The following CD109 variants were observed in gnomAD, a reference collection of about 807,000 sequenced individuals.
The protein encoded by CD109 is CD109 antigen.
In CD109, 149 loss-of-function variants were observed where a neutral mutation model predicts 165.8. The observed-to-expected ratio is 0.90, with a 90% CI of 0.79 to 1.03. The LOEUF is 1.03. CD109 is among the 50% of genes least tolerant of loss of function. CD109 has a pLI of 0.00. For synonymous variants in CD109, 585 were observed against 592.1 expected, an observed-to-expected ratio of 0.99 and a Z score of 0.18; for missense variants, 1,712 against 1,677.8, an observed-to-expected ratio of 1.02 and a Z score of -0.36.
intron 31 of CD109, among the ~76,000 whole-genome samples, 182 bp from the exon 32 acceptor site, chr6:73,820,279 G>A (rs1776065107): frequency 6.6e-6 from 1 of 152,144 alleles, no homozygotes; most frequent in Admixed American, 6.5e-5. Context: ...CTTTTTGTAA[G>A]CATTGTTTTA....
At chr6:73,752,394 T>A (rs1339376431) in intron 5 of CD109, among the ~76,000 whole-genome samples, 4 of 152,196 alleles carry the variant, frequency 2.6e-5, no homozygotes, top group South Asian at 2.1e-4. Flanking sequence ...AGTCATAACA[T>A]ACTTCTTAAA....
the CD109 span, among the ~76,000 whole-genome samples, chr6:73,689,636 T>C: frequency 2.0e-5 from 3 of 152,204 alleles, no homozygotes; most frequent in African/African-American, 7.2e-5. Flanking sequence ...TTTTTTTTTT[T>C]TACTTTATAA....
chr6:73,801,992 T>C (rs1056507241), intron 23 of CD109, among the ~76,000 whole-genome samples: 2 of 152,224 alleles, frequency 1.3e-5, no homozygotes, highest in African/African-American at 4.8e-5. Context: ...ATTGCTATCT[T>C]AACTTTATTT....
intron 5 of CD109, among the ~76,000 whole-genome samples, 188 bp from the exon 6 acceptor site, chr6:73,756,455 C>T (rs546960946): frequency 6.6e-6 from 1 of 152,278 alleles, no homozygotes; most frequent in East Asian, 1.9e-4. Context: ...TGAAATTTTA[C>T]AGGCTTCATG....
At chr6:73,722,198 A>G (rs1047955878) in intron 2 of CD109, among the ~76,000 whole-genome samples, 3 of 152,234 alleles carry the variant, frequency 2.0e-5, no homozygotes, top group Admixed American at 6.5e-5. Flanking sequence ...GACATCCTCA[A>G]TGGAAAACTC....
intron 13 of CD109, 64 bp downstream of exon 13, chr6:73,767,074 G>A (rs1305990104): frequency 2.1e-6 from 3 of 1,423,272 alleles, no homozygotes; most frequent in Non-Finnish European, 2.9e-6. Context: ...TCACTTTTAA[G>A]TTCTGGGGTA....
At chr6:73,792,163 A>G (rs1037246090) in intron 22 of CD109, among the ~76,000 whole-genome samples, 1 of 152,214 alleles carries the variant, frequency 6.6e-6, no homozygotes, top group Non-Finnish European at 1.5e-5. Context: ...AACAGAACAC[A>G]TTGGAAAACA....
intron 14 of CD109, among the ~76,000 whole-genome samples, chr6:73,770,587 A>AG (rs1262995099): frequency 6.6e-6 from 1 of 152,100 alleles, no homozygotes. Context: ...TCTACTAAAA[A>AG]AGTTACAAAA....
chr6:73,808,323 G>A, intron 26 of CD109, 75 bp downstream of exon 26: 2 of 1,453,076 alleles, frequency 1.4e-6, no homozygotes, highest in Non-Finnish European at 1.9e-6. Context: ...TTTTTAGCCA[G>A]GTTTGAAATT....
chr6:73,697,964 G>A (rs1011140726), intron 2 of CD109, among the ~76,000 whole-genome samples: 1 of 152,204 alleles, frequency 6.6e-6, no homozygotes, highest in African/African-American at 2.4e-5. Flanking sequence ...GTAGGCTAAT[G>A]TGTGCCCCAG....
Position 73,820,663 on chromosome 6 carries a change from C to T in CD109, c.4162+100C>T, listed in dbSNP as rs531325293. The stretch of plus-strand genomic sequence containing the variant: ...CATTGGATTGGTTCTGTGGCGAGGG[C>T]AGGATTTGGTAGGAGAAAGTACAGG... On this transcript the variant is annotated intron_variant, in intron 32 of 32. Transcript: ENST00000287097. The T allele has an allele frequency of 1.2e-5, 8 of 644,128 alleles. No homozygotes were observed. In the South Asian group the frequency reaches 1.6e-4, roughly 13 times the overall value. The allele number at this position is 644,128 out of a possible 1,614,324, so 39.9% of individuals were successfully genotyped here.
intron 3 of CD109, among the ~76,000 whole-genome samples, chr6:73,726,327 A>G (rs527544338): frequency 3.9e-5 from 6 of 152,350 alleles, no homozygotes; most frequent in African/African-American, 1.4e-4. Flanking sequence ...AATTGAGACA[A>G]TATAAATATT....
chr6:73,684,221 C>CTTT, the CD109 span, among the ~76,000 whole-genome samples: 4 of 136,388 alleles, frequency 2.9e-5, no homozygotes, highest in Admixed American at 7.4e-5. Flanking sequence ...GTCGTTCTTT[C>CTTT]TTTTTTTTTT....
At chr6:73,754,263 G>C (rs1773301904) in intron 5 of CD109, among the ~76,000 whole-genome samples, 1 of 152,158 alleles carries the variant, frequency 6.6e-6, no homozygotes, top group Admixed American at 6.6e-5. Context: ...TTAAAACCCT[G>C]AGAGCTGATG....
chr6:73,800,227 A>G (rs887890373), intron 23 of CD109, among the ~76,000 whole-genome samples: 15 of 152,048 alleles, frequency 9.9e-5, no homozygotes, highest in Non-Finnish European at 2.1e-4. Flanking sequence ...TGCCTTTTTC[A>G]CTTAACAGTG....
intron 17 of CD109, among the ~76,000 whole-genome samples, chr6:73,781,804 G>C (rs1258978901): frequency 6.9e-5 from 5 of 72,060 alleles, no homozygotes; most frequent in African/African-American, 1.9e-4. Context: ...CAGAGACATA[G>C]ACACACACGC....
At position 73,827,425 on chromosome 6, in the gene CD109, G is replaced by C. The variant is rs1241226732; in HGVS notation, c.*3792G>C. 2.0e-5 allele frequency: 3 copies of C among 151,856 alleles called. No homozygotes were observed. The highest frequency in any genetic ancestry group is 7.3e-5 in the African/African-American group (3 of 41,322). 9.4% of individuals were successfully genotyped at this position (151,856 alleles called of 1,614,324 possible). On this transcript the variant is annotated 3_prime_UTR_variant, in exon 33 of 33. Coordinates refer to ENST00000287097, the MANE Select transcript of CD109 (RefSeq NM_133493.5). Reference sequence around the variant, plus strand: ...TTTTTTGTCTTCAAATTCCAGTAAGGCATAGCACTTTTAAGAAATTAGAAT... The same window carrying C: ...TTTTTTGTCTTCAAATTCCAGTAAGCCATAGCACTTTTAAGAAATTAGAAT...
At chr6:73,693,577 G>C (rs150480938), upstream of CD109, among the ~76,000 whole-genome samples, 1 of 152,164 alleles carries the variant, frequency 6.6e-6, no homozygotes, top group Non-Finnish European at 1.5e-5. Flanking sequence ...TTGAGACAGA[G>C]TCTTGCTCTG....
At chr6:73,701,415 T>C (rs1013119099) in intron 2 of CD109, among the ~76,000 whole-genome samples, 3 of 152,344 alleles carry the variant, frequency 2.0e-5, no homozygotes, top group East Asian at 1.9e-4. Flanking sequence ...GGCACAGCTA[T>C]TGGCATTTAA....
Sources: allele counts gnomAD v4.1 joint callset (sites outside exome capture counted in the v4.1 genomes callset), GRCh38; gene constraint gnomAD v4.1.1; transcripts MANE v1.5; gene names NCBI Gene and HGNC (gene_info 2026-07-23, HGNC 2026-07-21).